PSD2: variants seen among roughly 807,000 people sequenced by gnomAD.
PSD2 encodes the protein pleckstrin and Sec7 domain containing 2.
PSD2 carries 38 observed loss-of-function variants against 69.8 expected under a neutral mutation model. The ratio of observed to expected loss-of-function variants is 0.54; its 90% CI spans 0.42 to 0.71. PSD2 has a LOEUF of 0.71. Among genes scored for constraint, PSD2 ranks in the 30% least tolerant of loss-of-function variants. The pLI, the probability that PSD2 is intolerant of heterozygous loss-of-function variation, is 0.00. For synonymous variants in PSD2, 412 were observed against 423.0 expected, an observed-to-expected ratio of 0.97 and a Z score of 0.32; for missense variants, 943 against 1,014.5, an observed-to-expected ratio of 0.93 and a Z score of 0.96.
chr5:139,841,457 A>G (rs1323381223), intron 14 of PSD2, among the ~76,000 whole-genome samples: 2 of 152,256 alleles, frequency 1.3e-5, no homozygotes, highest in African/African-American at 4.8e-5. Context: ...GGCTATTATG[A>G]AAAATGCTGT....
chr5:139,822,709 C>T lies in PSD2; in HGVS notation c.1211-17C>T. The T allele has an allele frequency of 6.2e-7, 1 of 1,605,330 alleles. No individual in the cohort carries two copies. Among genetic ancestry groups the T allele is most frequent in the East Asian group, 2.3e-5 (1 of 44,376 alleles). On this transcript the variant is annotated splice_polypyrimidine_tract_variant and intron_variant, in intron 6 of 14. Transcript: ENST00000274710. ...GGTTGGATCCTCGCACTGAGAGTGC[C>T]ACCATCTCTGACTCAGATGGGATCC...
At position 139,836,981 on chromosome 5, in the gene PSD2, C is replaced by T. The variant is rs748121331; in HGVS notation, c.1574C>T (p.Ala525Val). 1 of 1,613,098 alleles carries T rather than the reference C, an allele frequency of 6.2e-7. No homozygotes were observed. Among genetic ancestry groups the T allele is most frequent in the Non-Finnish European group, 8.5e-7 (1 of 1,179,536 alleles). ...GGCGTCCTGACCCGGAAGACTCACG[C>T]TGACATGGATGGCAAGAGGAGTGGG... ...KHGVLTRKTH[A>V]DMDGKRTPRG... The change falls in exon 10 of 15, where the codon GCT becomes GTT. Residue 525 changes from alanine to valine, a missense_variant. Around this residue, in one of 3 missense-constraint regions of PSD2, gnomAD observed 312 missense variants for 400.7 expected, o/e 0.78. Coordinates refer to ENST00000274710, the MANE Select transcript of PSD2 (RefSeq NM_032289.4).
At position 139,836,761 on chromosome 5, in the gene PSD2, C is replaced by A. The variant is rs375906294; in HGVS notation, c.1404-50C>A. On this transcript the variant is annotated intron_variant, in intron 9 of 14. Transcript: ENST00000274710. ...CTGGTGGGGAAAGGCCATGACGATG[C>A]GGGGCCGAGGCCTCCCTGGAGGTGG... 17 of 1,550,288 alleles carry A rather than the reference C, an allele frequency of 1.1e-5. No individual in the cohort carries two copies. The African/African-American group carries it at 2.0e-4, about 19-fold the overall frequency.
chr5:139,813,581 A>T lies in PSD2; in HGVS notation c.644A>T (p.Asp215Val). ...GGGGACATGGGGGCAGCTGGTGGTG[A>T]TGGGGAGCTGGGCAGCCCCCTGCGG... ...FEGDMGAAGG[D>V]GELGSPLRRS... The change falls in exon 3 of 15, where the codon GAT (aspartate) becomes GTT (valine). Residue 215 changes from aspartate to valine, a missense_variant. This residue lies in a region of PSD2 where 466 missense variants were observed against 445.0 expected (regional missense o/e 1.05). Coordinates refer to ENST00000274710, the MANE Select transcript of PSD2 (RefSeq NM_032289.4). The T allele has an allele frequency of 6.2e-7, 1 of 1,613,302 alleles. No individual in the cohort carries two copies. Among genetic ancestry groups the T allele is most frequent in the Non-Finnish European group, 8.5e-7 (1 of 1,179,336 alleles).
chr5:139,841,179 G>C (rs757811200), intron 14 of PSD2, among the ~76,000 whole-genome samples: 24 of 152,144 alleles, frequency 1.6e-4, no homozygotes, highest in Non-Finnish European at 2.9e-4. Context: ...ATGTCCTTAA[G>C]GTTCATCCAT....
the PSD2 span, among the ~76,000 whole-genome samples, chr5:139,787,614 T>G: frequency 3.3e-4 from 50 of 152,278 alleles, no homozygotes; most frequent in East Asian, 8.5e-3. Flanking sequence ...CGGGTGCAGT[T>G]TCCAAAAACA....
At chr5:139,786,342 G>T in the PSD2 span, among the ~76,000 whole-genome samples, 1 of 151,842 alleles carries the variant, frequency 6.6e-6, no homozygotes, top group African/African-American at 2.4e-5. Flanking sequence ...AACAAAGATC[G>T]CTGCCACTGC....
the PSD2 span, among the ~76,000 whole-genome samples, chr5:139,770,633 T>A: frequency 1.3e-5 from 2 of 152,190 alleles, no homozygotes; most frequent in Non-Finnish European, 2.9e-5. Context: ...TTCTTCCTCA[T>A]GTTATTTCGC....
At chr5:139,760,858 C>G in the PSD2 span, among the ~76,000 whole-genome samples, 1 of 152,110 alleles carries the variant, frequency 6.6e-6, no homozygotes, top group Non-Finnish European at 1.5e-5. Flanking sequence ...GAATGATGTA[C>G]TGATGATAAT....
the PSD2 span, among the ~76,000 whole-genome samples, chr5:139,755,127 G>A: frequency 6.6e-6 from 1 of 152,170 alleles, no homozygotes; most frequent in Admixed American, 6.5e-5. Flanking sequence ...ATCTGCCCCA[G>A]CCTCATGGAT....
Position 139,837,229 on chromosome 5 carries a change from C to G in PSD2, c.1656C>G (p.Tyr552Ter). The G allele has an allele frequency of 1.2e-6, 2 of 1,613,936 alleles. No homozygotes were observed. Among genetic ancestry groups the G allele is most frequent in the Non-Finnish European group, 1.7e-6 (2 of 1,179,814 alleles). The change falls in exon 11 of 15, where the codon TAC becomes TAG. Residue 552 changes from tyrosine to a stop codon, truncating the protein, a stop_gained. Transcript: ENST00000274710. LOFTEE classifies it high-confidence loss of function. The surrounding 1 kb of genome is among the most constrained non-coding windows in gnomAD (Gnocchi z 5.0). The stretch of plus-strand genomic sequence containing the variant: ...CAGTGCTCAAAGGGACCATCCTGTA[C>G]CTGCAGAAGGTGAGAGACTGCCCCA... ...FYAVLKGTIL[Y>*]LQKDEYRPDK...
rs1490933269 is a variant in PSD2, at chr5:139,809,736, G to T, written c.296G>T (p.Trp99Leu). ...GAAGATTCAGCGGAGTCCAGGCCCT[G>T]GAGGGCTGGCGTGCTGGCAGAGGGG... Reference protein sequence around the residue: ...ILEDSAESRPWRAGVLAEGDN... With the variant: ...ILEDSAESRPLRAGVLAEGDN... The change falls in exon 2 of 15, where the codon TGG (tryptophan) becomes TTG (leucine). Residue 99 changes from tryptophan to leucine, a missense_variant. Coordinates refer to ENST00000274710, the MANE Select transcript of PSD2 (RefSeq NM_032289.4). The T allele has an allele frequency of 6.2e-7, 1 of 1,614,114 alleles. No homozygotes were observed. The highest frequency in any genetic ancestry group is 1.7e-5 in the Admixed American group (1 of 60,008).
the PSD2 span, among the ~76,000 whole-genome samples, chr5:139,748,680 A>G: frequency 1.3e-3 from 205 of 152,334 alleles, 1 homozygote; most frequent in African/African-American, 4.6e-3. Flanking sequence ...CCTCGAAGAG[A>G]ACAAAGGCCG....
intron 14 of PSD2, among the ~76,000 whole-genome samples, chr5:139,840,754 G>C (rs545533826): frequency 2.0e-5 from 3 of 152,178 alleles, no homozygotes; most frequent in Admixed American, 1.3e-4. Flanking sequence ...GTTTCACCAT[G>C]TTGGCCAGGA....
At chr5:139,798,839 T>G (rs1215512241) in intron 1 of PSD2, among the ~76,000 whole-genome samples, 1 of 152,220 alleles carries the variant, frequency 6.6e-6, no homozygotes, top group Admixed American at 6.5e-5. Flanking sequence ...GTAGTCCATA[T>G]TTAAATTTCT....
At chr5:139,768,343 G>A in the PSD2 span, among the ~76,000 whole-genome samples, 17 of 152,234 alleles carry the variant, frequency 1.1e-4, no homozygotes, top group African/African-American at 3.9e-4. Context: ...CGGTTTAGAT[G>A]TGTGTAGTGG....
At chr5:139,776,922 G>A in the PSD2 span, among the ~76,000 whole-genome samples, 1 of 152,184 alleles carries the variant, frequency 6.6e-6, no homozygotes, top group Admixed American at 6.5e-5. Context: ...TTATGTGATG[G>A]GGAGATAGCT....
the PSD2 span, among the ~76,000 whole-genome samples, chr5:139,760,590 G>C: frequency 6.6e-6 from 1 of 152,170 alleles, no homozygotes; most frequent in East Asian, 1.9e-4. Flanking sequence ...CCTTGGATGC[G>C]CTGGCTGGCT....
At chr5:139,824,236 G>T (rs1205828518) in intron 7 of PSD2, among the ~76,000 whole-genome samples, 2 of 152,164 alleles carry the variant, frequency 1.3e-5, no homozygotes, top group African/African-American at 2.4e-5. Flanking sequence ...GTGAACCCTG[G>T]GCCAAGAGCA....
Sources: gnomAD v4.1 joint callset for allele counts (sites outside exome capture counted in the v4.1 genomes callset) on GRCh38, gnomAD v4.1.1 for gene constraint, gnomAD v4.1.1 regional missense constraint, Gnocchi (gnomAD v3.1) non-coding constraint, MANE v1.5 for transcripts, NCBI Gene and HGNC (gene_info 2026-07-23, HGNC 2026-07-21) for gene names.